The following PPARG variants were observed in gnomAD, a reference collection of about 807,000 sequenced individuals.
The protein encoded by PPARG is peroxisome proliferator-activated receptor gamma.
A neutral mutation model predicts 39.2 loss-of-function variants in PPARG; 17 were observed. The ratio of observed to expected loss-of-function variants is 0.43; its 90% confidence interval spans 0.30 to 0.65. The LOEUF is 0.65. Ranked by LOEUF, PPARG falls within the 30% of genes least tolerant of loss-of-function variation. PPARG has a pLI of 0.13. For missense variants in PPARG, 406 were observed against 585.9 expected (o/e 0.69, Z 3.17); for synonymous variants, 223 against 215.7 (o/e 1.03, Z -0.30).
chr3:12,414,721 G>A (rs1212429495), intron 6 of PPARG, among the ~76,000 whole-genome samples: 8 of 151,946 alleles, frequency 5.3e-5, no homozygotes, highest in Non-Finnish European at 7.4e-5. Context: ...AAAAAGGAAA[G>A]AAACCACCCA....
At chr3:12,402,642 C>A (rs1413683843) in intron 5 of PPARG, among the ~76,000 whole-genome samples, 1 of 152,150 alleles carries the variant, frequency 6.6e-6, no homozygotes, top group East Asian at 1.9e-4. Flanking sequence ...TAAACTGTCC[C>A]AAACCCCAGG....
chr3:12,387,230 T>G (rs2049908897), intron 4 of PPARG, among the ~76,000 whole-genome samples: 1 of 152,226 alleles, frequency 6.6e-6, no homozygotes, highest in Non-Finnish European at 1.5e-5. Flanking sequence ...TTTGGATATA[T>G]ACCCAGTAAT....
At chr3:12,307,669 G>A (rs2047109869) in intron 1 of PPARG, among the ~76,000 whole-genome samples, 1 of 152,162 alleles carries the variant, frequency 6.6e-6, no homozygotes, top group African/African-American at 2.4e-5. Flanking sequence ...ACACTTTGGA[G>A]AGCATGGTGT....
chr3:12,392,775 A>G (rs1215707069), intron 5 of PPARG, 23 bp downstream of exon 5: 3 of 1,613,146 alleles, frequency 1.9e-6, no homozygotes, highest in South Asian at 1.1e-5. Context: ...TCATCACCAT[A>G]TACTTTATTA....
chr3:12,372,467 C>T (rs1048843712), intron 2 of PPARG, among the ~76,000 whole-genome samples: 14 of 152,184 alleles, frequency 9.2e-5, no homozygotes, highest in African/African-American at 3.4e-4. Context: ...AATGCACCTA[C>T]TTCCTCGGGC....
At chr3:12,356,739 G>A (rs1233546632) in intron 2 of PPARG, among the ~76,000 whole-genome samples, 1 of 152,042 alleles carries the variant, frequency 6.6e-6, no homozygotes, top group Non-Finnish European at 1.5e-5. Context: ...TATAATCCAG[G>A]CATATTTTAT....
chr3:12,351,037 A>G (rs141956607), intron 2 of PPARG, among the ~76,000 whole-genome samples: 11 of 152,324 alleles, frequency 7.2e-5, no homozygotes, highest in African/African-American at 2.6e-4. Context: ...TAAACTATGG[A>G]TACATATTTG....
At chr3:12,399,441 G>A in intron 5 of PPARG, 1 of 455,816 alleles carries the variant, frequency 2.2e-6, no homozygotes, top group Admixed American at 2.4e-5. Flanking sequence ...AGAGAAGTGA[G>A]CCAAGCGTGG....
At chr3:12,419,357 A>G (rs938269892) in intron 7 of PPARG, among the ~76,000 whole-genome samples, 1 of 152,230 alleles carries the variant, frequency 6.6e-6, no homozygotes, top group South Asian at 2.1e-4. Flanking sequence ...TAATTCAGCA[A>G]AAAAGGATGA....
chr3:12,312,847 T>C (rs937491433), intron 2 of PPARG, among the ~76,000 whole-genome samples: 20 of 152,360 alleles, frequency 1.3e-4, no homozygotes, highest in Admixed American at 3.9e-4. Context: ...GCAGTCATAA[T>C]CTGTGGTCAC....
At chr3:12,340,168 G>T (rs1395148986) in intron 2 of PPARG, among the ~76,000 whole-genome samples, 5 of 152,206 alleles carry the variant, frequency 3.3e-5, no homozygotes, top group Non-Finnish European at 1.5e-5. Context: ...CTGGCCCATT[G>T]TTTTCTCCTG....
At chr3:12,345,083 TG>T in intron 2 of PPARG, among the ~76,000 whole-genome samples, 1 of 140,636 alleles carries the variant, frequency 7.1e-6, no homozygotes, top group Non-Finnish European at 1.6e-5. Flanking sequence ...AGATCCAAGG[TG>T]TTTTTTTTTA....
intron 4 of PPARG, among the ~76,000 whole-genome samples, chr3:12,384,228 A>G (rs2049790824): frequency 6.6e-6 from 1 of 152,178 alleles, no homozygotes; most frequent in African/African-American, 2.4e-5. Context: ...ATATTTTGAT[A>G]TGCAGTCTTT....
At chr3:12,327,426 A>G (rs1427700926) in intron 2 of PPARG, among the ~76,000 whole-genome samples, 2 of 152,240 alleles carry the variant, frequency 1.3e-5, no homozygotes, top group Admixed American at 6.5e-5. Flanking sequence ...AGAAGCCTAA[A>G]GAACAGAATC....
intron 2 of PPARG, among the ~76,000 whole-genome samples, chr3:12,349,420 A>T (rs2125088816): frequency 6.6e-6 from 1 of 152,348 alleles, no homozygotes; most frequent in East Asian, 1.9e-4. Flanking sequence ...AAATATGATT[A>T]AATAATCCAC....
At chr3:12,369,132 A>G (rs896874006) in intron 2 of PPARG, among the ~76,000 whole-genome samples, 2 of 152,330 alleles carry the variant, frequency 1.3e-5, no homozygotes, top group African/African-American at 2.4e-5. Context: ...CGCTCCTCAT[A>G]GGCAGTGATT....
chr3:12,295,317 T>C (rs1186605669), intron 1 of PPARG, among the ~76,000 whole-genome samples: 1 of 152,100 alleles, frequency 6.6e-6, no homozygotes, highest in African/African-American at 2.4e-5. Context: ...TCAATATAAA[T>C]GAAGTAGAAA....
intron 2 of PPARG, among the ~76,000 whole-genome samples, chr3:12,325,516 G>A (rs959135957): frequency 6.6e-5 from 10 of 151,992 alleles, no homozygotes; most frequent in Middle Eastern, 3.4e-3. Flanking sequence ...CAGGAGAATC[G>A]CTTGAACCCA....
intron 6 of PPARG, among the ~76,000 whole-genome samples, chr3:12,407,151 TTTGTTGTTG>T (rs577888550): frequency 2.6e-5 from 4 of 151,558 alleles, no homozygotes; most frequent in African/African-American, 4.8e-5. Context: ...TGTACCTCAG[TTTGTTGTTG>T]TTGTTGTTGT....
Sources: allele counts gnomAD v4.1 joint callset (sites outside exome capture counted in the v4.1 genomes callset), GRCh38; gene constraint gnomAD v4.1.1; transcripts MANE v1.5; gene names NCBI Gene and HGNC (gene_info 2026-07-23, HGNC 2026-07-21).